PPP1R9A: variants seen among roughly 807,000 people sequenced by gnomAD.
PPP1R9A encodes the protein protein phosphatase 1 regulatory subunit 9A, also known as neurabin-1.
A neutral mutation model predicts 141.9 loss-of-function variants in PPP1R9A; 59 were observed. The ratio of observed to expected loss-of-function variants is 0.42; its 90% confidence interval spans 0.34 to 0.52. The LOEUF is 0.52. Among genes scored for constraint, PPP1R9A ranks in the 20% least tolerant of loss-of-function variants. The pLI is 0.10. For synonymous variants in PPP1R9A, 500 were observed against 569.7 expected, an observed-to-expected ratio of 0.88 and a Z score of 1.74; for missense variants, 1,444 against 1,611.9, an observed-to-expected ratio of 0.90 and a Z score of 1.78.
At chr7:95,129,318 G>A (rs1207623698) in intron 4 of PPP1R9A, among the ~76,000 whole-genome samples, 2 of 152,122 alleles carry the variant, frequency 1.3e-5, no homozygotes, top group African/African-American at 2.4e-5. Context: ...AACCTCATGA[G>A]ATCTGATGAT....
At chr7:95,239,174 T>C (rs1229122032) in intron 8 of PPP1R9A, among the ~76,000 whole-genome samples, 2 of 152,148 alleles carry the variant, frequency 1.3e-5, no homozygotes, top group African/African-American at 4.8e-5. Flanking sequence ...AAATTGAGAA[T>C]TATATATACT....
chr7:95,252,166 G>T (rs927273630), intron 12 of PPP1R9A, 36 bp downstream of exon 12: 2 of 1,520,830 alleles, frequency 1.3e-6, no homozygotes, highest in South Asian at 1.4e-5. Context: ...CATTTTTGAT[G>T]ACTGTGTAAT....
intron 2 of PPP1R9A, among the ~76,000 whole-genome samples, chr7:95,073,334 A>G (rs1814283211): frequency 6.6e-6 from 1 of 152,080 alleles, no homozygotes; most frequent in Non-Finnish European, 1.5e-5. Context: ...TGTTTTAATT[A>G]TAGCTACATG....
At chr7:95,137,415 CAAAAAAAAAAA>C (rs33928009) in intron 4 of PPP1R9A, among the ~76,000 whole-genome samples, 2 of 91,522 alleles carry the variant, frequency 2.2e-5, no homozygotes, top group African/African-American at 8.7e-5. Flanking sequence ...GACATGAACT[CAAAAAAAAAAA>C]AAAAAAAAAA....
intron 5 of PPP1R9A, among the ~76,000 whole-genome samples, chr7:95,190,007 T>A (rs2152827926): frequency 6.6e-6 from 1 of 152,344 alleles, no homozygotes; most frequent in South Asian, 2.1e-4. Context: ...GGTATCTACT[T>A]GAGTAGTTTA....
intron 2 of PPP1R9A, among the ~76,000 whole-genome samples, chr7:95,074,965 T>C (rs935230299): frequency 1.3e-5 from 2 of 152,220 alleles, no homozygotes; most frequent in African/African-American, 4.8e-5. Flanking sequence ...TTTATTTATA[T>C]TTTTGAGACA....
chr7:95,131,082 G>A (rs1178269838), intron 4 of PPP1R9A, among the ~76,000 whole-genome samples: 1 of 152,114 alleles, frequency 6.6e-6, no homozygotes, highest in Non-Finnish European at 1.5e-5. Context: ...CAGGGGCTGG[G>A]GCAGAATGAT....
At chr7:95,188,501 G>A (rs1004624120) in intron 5 of PPP1R9A, among the ~76,000 whole-genome samples, 1 of 151,882 alleles carries the variant, frequency 6.6e-6, no homozygotes, top group African/African-American at 2.4e-5. Context: ...GTATTGGGAT[G>A]TGAGGTACTA....
rs553599056 is a variant in PPP1R9A at position 95,198,512 on chromosome 7, T to C, written c.1890+28T>C. ...CAGTAGTGCTTGCAAAGATTCTTTT[T>C]CCCACATTTTCTAATTCATGAAACT... On this transcript the variant is annotated intron_variant, in intron 6 of 19. Transcript: ENST00000433360. 2.6e-6 allele frequency: 4 copies of C among 1,515,036 alleles called. 1 individual carries two copies. The Admixed American group carries it at 6.8e-5, about 26-fold the overall frequency. The allele number at this position is 1,515,036 out of a possible 1,614,324, so 93.8% of individuals were successfully genotyped here. A position where few individuals can be genotyped will look rare whatever the true frequency, so the allele number is the denominator to read the frequency against.
At chr7:95,231,706 A>G (rs1444804263) in intron 8 of PPP1R9A, among the ~76,000 whole-genome samples, 9 of 152,152 alleles carry the variant, frequency 5.9e-5, no homozygotes. Context: ...GATAATAGTG[A>G]CACAACCTGT....
intron 7 of PPP1R9A, among the ~76,000 whole-genome samples, chr7:95,221,816 A>G (rs73221987): frequency 6.6e-6 from 1 of 152,064 alleles, no homozygotes; most frequent in African/African-American, 2.4e-5. Flanking sequence ...CAGTAATTTC[A>G]TACACTATAT....
intron 2 of PPP1R9A, among the ~76,000 whole-genome samples, chr7:94,944,134 C>T (rs2150970244): frequency 6.6e-6 from 1 of 152,190 alleles, no homozygotes; most frequent in Non-Finnish European, 1.5e-5. Flanking sequence ...TCACGTTATA[C>T]TTTCATCTTT....
At chr7:95,136,106 G>A (rs1157208431) in intron 4 of PPP1R9A, among the ~76,000 whole-genome samples, 7 of 151,862 alleles carry the variant, frequency 4.6e-5, no homozygotes, top group African/African-American at 7.3e-5. Context: ...GATGATTATT[G>A]CTATCAAAGA....
At chr7:95,207,311 T>C (rs747244302) in intron 7 of PPP1R9A, among the ~76,000 whole-genome samples, 7 of 152,106 alleles carry the variant, frequency 4.6e-5, no homozygotes, top group Non-Finnish European at 1.0e-4. Context: ...ATATCTCCAA[T>C]TGCATATAAC....
At chr7:95,128,606 C>T (rs900254820) in intron 4 of PPP1R9A, among the ~76,000 whole-genome samples, 1 of 152,020 alleles carries the variant, frequency 6.6e-6, no homozygotes, top group Non-Finnish European at 1.5e-5. Context: ...GATGGAGTTT[C>T]GCTTTTGTTG....
chr7:95,198,467 G>T lies in PPP1R9A; in HGVS notation c.1873G>T (p.Asp625Tyr). 6.3e-7 allele frequency: 1 copy of T among 1,590,770 alleles called. No homozygotes were observed. The highest frequency in any genetic ancestry group is 8.5e-7 in the Non-Finnish European group (1 of 1,172,098). Residue 625 changes from aspartate to tyrosine, a missense_variant, in exon 6 of 20, where the codon GAT becomes TAT. Physicochemically the swap from Asp to Tyr is radical, Grantham distance 160 (BLOSUM62 -3). Around this residue, in one of 5 missense-constraint regions of PPP1R9A, gnomAD observed 488 missense variants for 542.0 expected, o/e 0.90. Transcript: ENST00000433360. ...ELLEQHYAQY[D>Y]ADDDENTVAE... ...GCTGGAACAGCACTATGCCCAGTAT[G>T]ATGCCGACGATGACGAGGTCAGTAG...
Position 95,085,135 on chromosome 7 carries a change from A to G in PPP1R9A, c.1396-26124A>G, listed in dbSNP as rs925388503. Among the ~76,000 whole-genome samples, 9 of 152,054 alleles carry G rather than the reference A, an allele frequency of 5.9e-5. 1 individual carries two copies. The South Asian group carries it at 1.9e-3, about 31-fold the overall frequency. On this transcript the variant is annotated intron_variant, in intron 2 of 19. Transcript: ENST00000433360. ...TTAATTTATATTGCCTATTACTAGT[A>G]AAGTAGGACCCTATGTCATGTGTTT...
chr7:95,173,020 C>T (rs1191800288), intron 5 of PPP1R9A, among the ~76,000 whole-genome samples: 1 of 151,436 alleles, frequency 6.6e-6, no homozygotes, highest in Non-Finnish European at 1.5e-5. Context: ...AAACAAAATA[C>T]AAACCAAAAA....
At chr7:95,121,585 CTTAG>C (rs949524225) in intron 4 of PPP1R9A, among the ~76,000 whole-genome samples, 2 of 151,884 alleles carry the variant, frequency 1.3e-5, no homozygotes, top group Non-Finnish European at 2.9e-5. Context: ...AAGGTGGTGT[CTTAG>C]TTTGTTTTGT....
Sources: allele counts gnomAD v4.1 joint callset (sites outside exome capture counted in the v4.1 genomes callset), GRCh38; gene constraint gnomAD v4.1.1; regional missense constraint gnomAD v4.1.1; transcripts MANE v1.5; gene names NCBI Gene and HGNC (gene_info 2026-07-23, HGNC 2026-07-21).